B4GALT6: variants seen among roughly 807,000 people sequenced by gnomAD.
B4GALT6 encodes beta-1,4-galactosyltransferase 6.
Under a neutral mutation model 46.3 loss-of-function variants are expected in B4GALT6, and 14 were observed. The ratio of observed to expected loss-of-function variants is 0.30; its 90% CI spans 0.20 to 0.47. The LOEUF (loss-of-function observed/expected upper bound fraction) is 0.47. Ranked by LOEUF, B4GALT6 falls within the 20% of genes least tolerant of loss-of-function variation. B4GALT6 has a pLI of 0.99. For missense variants in B4GALT6, 386 were observed against 480.1 expected, an observed-to-expected ratio of 0.80 and a Z score of 1.83; for synonymous variants, 168 against 162.0, an observed-to-expected ratio of 1.04 and a Z score of -0.28.
the B4GALT6 span, among the ~76,000 whole-genome samples, chr18:31,707,641 T>C: frequency 6.6e-6 from 1 of 152,206 alleles, no homozygotes; most frequent in African/African-American, 2.4e-5. Context: ...TTAATTAATT[T>C]AATCTTCCCT....
intron 2 of B4GALT6, among the ~76,000 whole-genome samples, chr18:31,659,518 G>A (rs562952219): frequency 6.6e-6 from 1 of 152,270 alleles, no homozygotes; most frequent in East Asian, 1.9e-4. Flanking sequence ...TGGGTATCAA[G>A]GAGGAAACAG....
upstream of B4GALT6, chr18:31,686,777 A>C (rs1226185902): frequency 6.6e-6 from 1 of 152,208 alleles, no homozygotes; most frequent in Non-Finnish European, 1.5e-5. Flanking sequence ...GGAAGCAAAA[A>C]TTGTGATTTT....
chr18:31,669,703 C>T (rs1481814061), intron 1 of B4GALT6, among the ~76,000 whole-genome samples: 1 of 152,084 alleles, frequency 6.6e-6, no homozygotes, highest in Non-Finnish European at 1.5e-5. Flanking sequence ...TTAACAACTC[C>T]GCCTAAGTGA....
chr18:31,721,444 G>A, the B4GALT6 span, among the ~76,000 whole-genome samples: 1 of 152,084 alleles, frequency 6.6e-6, no homozygotes, highest in South Asian at 2.1e-4. Flanking sequence ...AATCAAAACT[G>A]TAAAAAATAA....
In B4GALT6 at chr18:31,644,446, T is replaced by G. The variant is rs575225293; in HGVS notation, c.471+909A>C. Among the ~76,000 whole-genome samples, 562 of 151,870 alleles carry G rather than the reference T, an allele frequency of 3.7e-3. 6 individuals are homozygous for G. The highest frequency in any genetic ancestry group is 0.012 in the African/African-American group (498 of 41,412). On this transcript the variant is annotated intron_variant, in intron 4 of 8. Coordinates refer to ENST00000306851, the MANE Select transcript of B4GALT6 (RefSeq NM_004775.5). Reference sequence around the variant, plus strand: ...TTTCCTTCCTACTAGTGGTTTTTTTTGGGGGTGGGGGGAGGTGAAAATACA... The same window carrying G: ...TTTCCTTCCTACTAGTGGTTTTTTTGGGGGGTGGGGGGAGGTGAAAATACA...
chr18:31,686,994 G>A (rs1455319891), upstream of B4GALT6, among the ~76,000 whole-genome samples: 1 of 152,186 alleles, frequency 6.6e-6, no homozygotes, highest in African/African-American at 2.4e-5. Flanking sequence ...TATAGAATTT[G>A]ATGATTCATC....
At chr18:31,704,311 C>T in the B4GALT6 span, among the ~76,000 whole-genome samples, 4 of 151,448 alleles carry the variant, frequency 2.6e-5, no homozygotes, top group Admixed American at 1.3e-4. Context: ...CAGGTTCAAG[C>T]GATTCTCCTG....
Position 31,684,469 on chromosome 18 carries a change from G to A in B4GALT6, c.-43C>T. 1 of 1,600,698 alleles carries A rather than the reference G, an allele frequency of 6.2e-7. No individual in the cohort carries two copies. The highest frequency in any genetic ancestry group is 1.1e-5 in the South Asian group (1 of 89,674). ...GCAGCCCAGGCTGCGCTCTCAGGCC[G>A]GACTCGGGGCCACTGTCCAGGCCCT... is the stretch of plus-strand genomic sequence containing the variant. On this transcript the variant is annotated 5_prime_UTR_variant, in exon 1 of 9. Coordinates refer to ENST00000306851, the MANE Select transcript of B4GALT6 (RefSeq NM_004775.5).
the B4GALT6 span, chr18:31,724,418 C>G: frequency 9.4e-7 from 1 of 1,061,830 alleles, no homozygotes; most frequent in Non-Finnish European, 1.1e-6. Flanking sequence ...TCTTCCCGCT[C>G]CTCCGATCTC....
upstream of B4GALT6, chr18:31,685,896 C>G (rs770405195): frequency 6.6e-6 from 1 of 152,212 alleles, no homozygotes; most frequent in Admixed American, 6.5e-5. Flanking sequence ...ATGTGCGTCC[C>G]TTATACCAGG....
chr18:31,715,418 G>A, the B4GALT6 span, among the ~76,000 whole-genome samples: 4 of 151,462 alleles, frequency 2.6e-5, no homozygotes, highest in South Asian at 8.4e-4. Context: ...TTGTAGAGAT[G>A]GGGTCTCACT....
upstream of B4GALT6, among the ~76,000 whole-genome samples, chr18:31,688,270 T>C (rs1567989762): frequency 6.7e-6 from 1 of 150,282 alleles, no homozygotes; most frequent in East Asian, 1.9e-4. Context: ...CATATATATA[T>C]ATACACACAC....
intron 1 of B4GALT6, among the ~76,000 whole-genome samples, chr18:31,680,044 C>CA (rs1017207529): frequency 1.8e-4 from 27 of 152,004 alleles, no homozygotes; most frequent in African/African-American, 4.6e-4. Flanking sequence ...ACTCACAGGA[C>CA]AAAAAAAGCA....
At chr18:31,631,183 T>C (rs1384346872) in intron 5 of B4GALT6, 37 bp from the exon 6 acceptor site, 2 of 1,457,720 alleles carry the variant, frequency 1.4e-6, no homozygotes, top group South Asian at 1.3e-5. Flanking sequence ...AATAGAAATG[T>C]ACTCACACTT....
chr18:31,712,295 T>A, the B4GALT6 span, among the ~76,000 whole-genome samples: 1 of 31,288 alleles, frequency 3.2e-5, no homozygotes, highest in Non-Finnish European at 1.4e-4. Context: ...TTATTTTTTT[T>A]TTTTTTTTTT....
Position 31,625,552 on chromosome 18 carries a change from A to G in B4GALT6, c.*62T>C. ...CACAGCCAATCACTGACCTCCACTA[A>G]GAGCGCGCTCCAAGTTTATGATCCA... On this transcript the variant is annotated 3_prime_UTR_variant, in exon 9 of 9. Coordinates refer to ENST00000306851, the MANE Select transcript of B4GALT6 (RefSeq NM_004775.5). 1.9e-6 allele frequency: 3 copies of G among 1,581,498 alleles called. No individual in the cohort carries two copies. Among genetic ancestry groups the G allele is most frequent in the Non-Finnish European group, 2.6e-6 (3 of 1,156,628 alleles).
At chr18:31,724,189 G>T in the B4GALT6 span, 2 of 255,300 alleles carry the variant, frequency 7.8e-6, no homozygotes, top group Admixed American at 4.4e-5. Context: ...GATGGGGCGC[G>T]CGGTTGCCAG....
At chr18:31,682,039 AATTG>A (rs1201299278) in intron 1 of B4GALT6, among the ~76,000 whole-genome samples, 2 of 152,232 alleles carry the variant, frequency 1.3e-5, no homozygotes, top group African/African-American at 2.4e-5. Context: ...GCACTTGTGC[AATTG>A]ATTGATTGCT....
At chr18:31,688,298 ATGT>A (rs1567989803), upstream of B4GALT6, among the ~76,000 whole-genome samples, 9 of 127,166 alleles carry the variant, frequency 7.1e-5, no homozygotes, top group Admixed American at 6.2e-4. Context: ...TAATTCCAAA[ATGT>A]TGTGGTACAG....
Sources: gnomAD v4.1 joint callset for allele counts (sites outside exome capture counted in the v4.1 genomes callset) on GRCh38, gnomAD v4.1.1 for gene constraint, MANE v1.5 for transcripts, NCBI Gene and HGNC (gene_info 2026-07-23, HGNC 2026-07-21) for gene names.